The following CDH17 variants were observed in gnomAD, a reference collection of about 807,000 sequenced individuals.
The protein encoded by CDH17 is cadherin 17.
CDH17 carries 67 observed loss-of-function variants against 86.3 expected under a neutral mutation model. The ratio of observed to expected loss-of-function variants is 0.78; its 90% CI spans 0.64 to 0.95. The LOEUF (loss-of-function observed/expected upper bound fraction) is 0.95. Ranked by LOEUF, CDH17 falls within the 40% of genes least tolerant of loss-of-function variation. The pLI, the probability that CDH17 is intolerant of heterozygous loss-of-function variation, is 0.00. For synonymous variants in CDH17, 367 were observed against 366.4 expected (o/e 1.00, Z -0.02); for missense variants, 993 against 1,017.6 (o/e 0.98, Z 0.33).
intron 1 of CDH17, among the ~76,000 whole-genome samples, chr8:94,199,078 TA>T (rs1813852016): frequency 0.022 from 242 of 11,036 alleles, no homozygotes; most frequent in Middle Eastern, 0.071. Context: ...TATATATATA[TA>T]TATATTTTTT....
At chr8:94,148,651 T>G in intron 14 of CDH17, 93 bp downstream of exon 14, 2 of 1,077,556 alleles carry the variant, frequency 1.9e-6, no homozygotes, top group Non-Finnish European at 2.5e-6. Context: ...GTTTTGGCCC[T>G]GTCAGTTTTC....
chr8:94,200,472 A>G lies in CDH17; in HGVS notation c.-20-5767T>C, dbSNP rs552817996. On this transcript the variant is annotated intron_variant, in intron 1 of 17. Coordinates refer to ENST00000027335, the MANE Select transcript of CDH17 (RefSeq NM_004063.4). Reference sequence around the variant, plus strand: ...ACTAAATTCAGACAGTTACTACAGCAATTATTTGAGAGACCAAGCACACCC... The same window carrying G: ...ACTAAATTCAGACAGTTACTACAGCGATTATTTGAGAGACCAAGCACACCC... Among the ~76,000 whole-genome samples, 3 of 150,426 alleles carry G rather than the reference A, an allele frequency of 2.0e-5. No homozygotes were observed. In the East Asian group the frequency reaches 5.9e-4, roughly 30 times the overall value.
chr8:94,172,818 G>A (rs1224556184), intron 7 of CDH17, among the ~76,000 whole-genome samples: 1 of 152,156 alleles, frequency 6.6e-6, no homozygotes, highest in Non-Finnish European at 1.5e-5. Flanking sequence ...TGCCACAGAG[G>A]TGGGGAAGTA....
At chr8:94,210,473 G>A (rs1257620514), upstream of CDH17, among the ~76,000 whole-genome samples, 3 of 152,068 alleles carry the variant, frequency 2.0e-5, no homozygotes, top group Non-Finnish European at 4.4e-5. Context: ...TGTACTGTGG[G>A]ATACCAGGTT....
chr8:94,168,113 T>C (rs1168360422), intron 9 of CDH17, among the ~76,000 whole-genome samples: 7 of 19,170 alleles, frequency 3.7e-4, no homozygotes, highest in African/African-American at 1.4e-3. Context: ...TATATATATA[T>C]ATATATATAT....
chr8:94,128,697 T>C (rs1021527563), intron 17 of CDH17, among the ~76,000 whole-genome samples: 3 of 152,220 alleles, frequency 2.0e-5, no homozygotes, highest in Non-Finnish European at 4.4e-5. Flanking sequence ...ACTTTATATA[T>C]ACTTAATATT....
At chr8:94,204,861 G>T (rs1314771485) in intron 1 of CDH17, among the ~76,000 whole-genome samples, 1 of 152,192 alleles carries the variant, frequency 6.6e-6, no homozygotes, top group Admixed American at 6.5e-5. Context: ...TTGAATGGAA[G>T]GGGGGCCAGA....
intron 10 of CDH17, among the ~76,000 whole-genome samples, chr8:94,164,552 T>A (rs1344491758): frequency 6.6e-6 from 1 of 152,230 alleles, no homozygotes; most frequent in East Asian, 1.9e-4. Flanking sequence ...AGGGCCTTAA[T>A]ATTTGTCAAA....
chr8:94,148,661 C>T, intron 14 of CDH17, 83 bp downstream of exon 14: 3 of 1,070,906 alleles, frequency 2.8e-6, no homozygotes, highest in Non-Finnish European at 1.2e-6. Flanking sequence ...TGTCAGTTTT[C>T]TTATCCTCCC....
chr8:94,148,590 T>C (rs924539187), intron 14 of CDH17, among the ~76,000 whole-genome samples, 154 bp downstream of exon 14: 4 of 149,398 alleles, frequency 2.7e-5, no homozygotes, highest in Admixed American at 6.7e-5. Context: ...AGCACTCCCT[T>C]ATATTTTGTA....
intron 12 of CDH17, among the ~76,000 whole-genome samples, chr8:94,155,238 A>G (rs1812924711): frequency 6.6e-6 from 1 of 151,964 alleles, no homozygotes; most frequent in Non-Finnish European, 1.5e-5. Context: ...CCACGGTTCA[A>G]TTAGGGCTTC....
intron 3 of CDH17, among the ~76,000 whole-genome samples, chr8:94,178,836 G>A (rs532367545): frequency 1.3e-5 from 2 of 151,956 alleles, no homozygotes; most frequent in Non-Finnish European, 2.9e-5. Flanking sequence ...TTTGCTTGTT[G>A]ATATTATATT....
At chr8:94,198,039 C>T (rs570098673) in intron 1 of CDH17, among the ~76,000 whole-genome samples, 2 of 151,878 alleles carry the variant, frequency 1.3e-5, no homozygotes, top group African/African-American at 4.8e-5. Flanking sequence ...TCTGGAATTT[C>T]AACTCTTGCT....
chr8:94,153,394 C>A (rs905487544), intron 12 of CDH17, among the ~76,000 whole-genome samples: 2 of 152,112 alleles, frequency 1.3e-5, no homozygotes, highest in Admixed American at 6.6e-5. Flanking sequence ...GAAAAGGGAA[C>A]CCTGTACACT....
At chr8:94,197,028 C>T (rs1292125343) in intron 1 of CDH17, among the ~76,000 whole-genome samples, 1 of 152,182 alleles carries the variant, frequency 6.6e-6, no homozygotes, top group Middle Eastern at 3.2e-3. Flanking sequence ...TATATAAAAC[C>T]CTGTGCCATT....
At position 94,128,152 on chromosome 8, in the gene CDH17, T is replaced by C. The variant is rs1812336874; in HGVS notation, c.*88A>G. The C allele has an allele frequency of 3.7e-6, 3 of 813,458 alleles. No individual in the cohort carries two copies. The highest frequency in any genetic ancestry group is 3.4e-5 in the African/African-American group (2 of 58,490). The allele number at this position is 813,458 out of a possible 1,614,324, so 50.4% of individuals were successfully genotyped here. ...GAGGGAATATCTGTTTAAAAAATTA[T>C]AATGCACGTTAGATGAAAAGTAATA... is the stretch of plus-strand genomic sequence containing the variant. On this transcript the variant is annotated 3_prime_UTR_variant, in exon 18 of 18. Transcript: ENST00000027335.
chr8:94,200,537 G>C (rs4735276), intron 1 of CDH17, among the ~76,000 whole-genome samples: 8 of 56,914 alleles, frequency 1.4e-4, no homozygotes, highest in African/African-American at 5.6e-4. Context: ...ATTATCTTTT[G>C]TTTTTTTTTT....
Position 94,165,807 on chromosome 8 carries a change from C to G in CDH17, c.1236G>C (p.Lys412Asn). 1 of 1,613,946 alleles carries G rather than the reference C, an allele frequency of 6.2e-7. No homozygotes were observed. Among genetic ancestry groups the G allele is most frequent in the South Asian group, 1.1e-5 (1 of 91,086 alleles). ...MLQLAKQSLK[K>N]QDTPQYNLTI... ...TTAAGTTGTACTGAGGAGTATCTTG[C>G]TTCTTCAAGGACTGTTTAGCTAACT... Residue 412 changes from lysine (K) to asparagine (N), a missense_variant, in exon 10 of 18, where the codon AAG becomes AAC. Coordinates refer to ENST00000027335, the MANE Select transcript of CDH17 (RefSeq NM_004063.4).
chr8:94,139,915 G>T (rs1005535626), intron 15 of CDH17, among the ~76,000 whole-genome samples: 9 of 151,886 alleles, frequency 5.9e-5, no homozygotes, highest in Non-Finnish European at 2.9e-5. Flanking sequence ...AAAAAAAAGG[G>T]GGGGTGGTGA....
Sources: allele counts gnomAD v4.1 joint callset (sites outside exome capture counted in the v4.1 genomes callset), GRCh38; gene constraint gnomAD v4.1.1; transcripts MANE v1.5; gene names NCBI Gene and HGNC (gene_info 2026-07-23, HGNC 2026-07-21).